RIC8B: variants seen among roughly 807,000 people sequenced by gnomAD.
RIC8B encodes RIC8 guanine nucleotide exchange factor B, also known as chaperone Ric-8B.
A neutral mutation model predicts 57.5 loss-of-function variants in RIC8B; 16 were observed. The ratio of observed to expected loss-of-function variants is 0.28; its 90% CI spans 0.19 to 0.42. RIC8B has a LOEUF of 0.42. Among genes scored for constraint, RIC8B ranks in the 10% least tolerant of loss-of-function variants. The pLI is 1.00. For missense variants in RIC8B, 481 were observed against 677.0 expected (o/e 0.71, Z 3.21); for synonymous variants, 216 against 250.8 (o/e 0.86, Z 1.31).
chr12:106,827,569 ATC>A (rs1393842157), intron 4 of RIC8B, among the ~76,000 whole-genome samples: 1 of 152,204 alleles, frequency 6.6e-6, no homozygotes, highest in African/African-American at 2.4e-5. Context: ...CTGGTAGGTT[ATC>A]TCAGTGTACT....
intron 2 of RIC8B, among the ~76,000 whole-genome samples, chr12:106,810,793 C>T (rs1229215976): frequency 1.3e-5 from 2 of 152,136 alleles, no homozygotes; most frequent in Non-Finnish European, 2.9e-5. Context: ...GACATTTTAC[C>T]TTATAATAAT....
intron 2 of RIC8B, among the ~76,000 whole-genome samples, chr12:106,800,456 ACCT>A (rs1188605955): frequency 1.3e-5 from 2 of 151,946 alleles, no homozygotes; most frequent in African/African-American, 4.8e-5. Flanking sequence ...TGACCCAGTC[ACCT>A]CCCACCATGT....
chr12:106,798,723 G>A (rs537391490), intron 2 of RIC8B, among the ~76,000 whole-genome samples: 7 of 151,952 alleles, frequency 4.6e-5, no homozygotes, highest in South Asian at 4.2e-4. Context: ...GCTGTTGTCC[G>A]TCATTTGACT....
At chr12:106,789,024 C>G (rs1399744555) in intron 2 of RIC8B, among the ~76,000 whole-genome samples, 4 of 152,124 alleles carry the variant, frequency 2.6e-5, no homozygotes, top group African/African-American at 7.2e-5. Context: ...TTAACAGCAC[C>G]CAAGTCACCT....
chr12:106,863,156 C>T (rs1384520904), intron 8 of RIC8B, among the ~76,000 whole-genome samples: 2 of 152,078 alleles, frequency 1.3e-5, no homozygotes, highest in Non-Finnish European at 2.9e-5. Context: ...AGATGTGTGT[C>T]TAATGACATT....
chr12:106,821,874 C>T (rs1407638463), intron 3 of RIC8B, among the ~76,000 whole-genome samples: 15 of 151,598 alleles, frequency 9.9e-5, no homozygotes, highest in East Asian at 9.7e-4. Context: ...GTCAGGAGAT[C>T]GAGACCATCC....
At chr12:106,801,437 C>G (rs535928936) in intron 2 of RIC8B, among the ~76,000 whole-genome samples, 8 of 152,010 alleles carry the variant, frequency 5.3e-5, no homozygotes, top group Non-Finnish European at 1.2e-4. Context: ...TGACAGATCA[C>G]CATGATATAT....
At chr12:106,781,703 G>A (rs1164113380) in intron 1 of RIC8B, among the ~76,000 whole-genome samples, 1 of 152,102 alleles carries the variant, frequency 6.6e-6, no homozygotes, top group African/African-American at 2.4e-5. Context: ...CTTTCCAAAA[G>A]ACAATTTATT....
intron 4 of RIC8B, among the ~76,000 whole-genome samples, chr12:106,842,380 G>GT (rs987241111): frequency 1.7e-4 from 26 of 151,502 alleles, no homozygotes; most frequent in Admixed American, 1.5e-3. Context: ...TTCAACATTT[G>GT]TTTTTTTTCT....
chr12:106,851,353 C>A (rs1949469400), intron 6 of RIC8B, 97 bp from the exon 7 acceptor site: 24 of 424,746 alleles, frequency 5.7e-5, no homozygotes, highest in Admixed American at 7.4e-5. Context: ...ACAATACAAA[C>A]CCCAGTAGAC....
chr12:106,824,614 G>T (rs1292170624), intron 3 of RIC8B, among the ~76,000 whole-genome samples: 2 of 152,032 alleles, frequency 1.3e-5, no homozygotes, highest in Non-Finnish European at 2.9e-5. Context: ...AAGAAGTTTT[G>T]GCTGGGTGCA....
chr12:106,781,384 C>A (rs919822247), intron 1 of RIC8B, among the ~76,000 whole-genome samples: 1 of 152,112 alleles, frequency 6.6e-6, no homozygotes, highest in Non-Finnish European at 1.5e-5. Context: ...TCTCTCTTTC[C>A]CCATTTCAGC....
chr12:106,812,016 A>G (rs1452091412), intron 2 of RIC8B, among the ~76,000 whole-genome samples: 2 of 151,642 alleles, frequency 1.3e-5, no homozygotes, highest in Non-Finnish European at 2.9e-5. Flanking sequence ...TGAGTAAAAC[A>G]TTAAATATGT....
chr12:106,875,256 T>C (rs954868610), intron 9 of RIC8B, among the ~76,000 whole-genome samples: 18 of 152,200 alleles, frequency 1.2e-4, no homozygotes, highest in Admixed American at 6.5e-4. Context: ...CATGAAATTA[T>C]AGAAAGCCTC....
chr12:106,880,159 G>T (rs1040731306), intron 9 of RIC8B, among the ~76,000 whole-genome samples: 1 of 152,074 alleles, frequency 6.6e-6, no homozygotes, highest in African/African-American at 2.4e-5. Context: ...TGTAGCACTT[G>T]CCATTGCTTT....
At chr12:106,843,797 A>G in intron 5 of RIC8B, 55 bp from the exon 6 acceptor site, 2 of 1,282,794 alleles carry the variant, frequency 1.6e-6, no homozygotes. Context: ...GGAAAGTAAT[A>G]CTGTTAGAAA....
chr12:106,795,442 C>T (rs2044435894), intron 2 of RIC8B, among the ~76,000 whole-genome samples: 1 of 152,174 alleles, frequency 6.6e-6, no homozygotes, highest in African/African-American at 2.4e-5. Context: ...AAGGAGCCAG[C>T]AGCGGATGTG....
intron 8 of RIC8B, among the ~76,000 whole-genome samples, 163 bp from the exon 9 acceptor site, chr12:106,870,658 CCA>C (rs1254604351): frequency 6.6e-6 from 1 of 151,772 alleles, no homozygotes. Flanking sequence ...GTGGAAAAGT[CCA>C]GTTTTAAAAA....
chr12:106,804,002 A>G (rs2044874922), intron 2 of RIC8B, among the ~76,000 whole-genome samples: 1 of 152,204 alleles, frequency 6.6e-6, no homozygotes, highest in Admixed American at 6.5e-5. Flanking sequence ...TCCAGATCTC[A>G]CAAATAATAA....
Sources: gnomAD v4.1 joint callset for allele counts (sites outside exome capture counted in the v4.1 genomes callset) on GRCh38, gnomAD v4.1.1 for gene constraint, MANE v1.5 for transcripts, NCBI Gene and HGNC (gene_info 2026-07-23, HGNC 2026-07-21) for gene names.